Variants in MACROD2 observed in about 807,000 individuals in gnomAD.
The protein encoded by MACROD2 is mono-ADP ribosylhydrolase 2, also known as ADP-ribose glycohydrolase MACROD2.
Under a neutral mutation model 70.4 loss-of-function variants are expected in MACROD2, and 36 were observed. The observed-to-expected ratio is 0.51, with a 90% CI of 0.39 to 0.68. The LOEUF is 0.68. Among genes scored for constraint, MACROD2 ranks in the 30% least tolerant of loss-of-function variants. The pLI, the probability that MACROD2 is intolerant of heterozygous loss-of-function variation, is 0.00. For missense variants in MACROD2, 496 were observed against 538.4 expected (o/e 0.92, Z 0.78); for synonymous variants, 172 against 178.8 (o/e 0.96, Z 0.30).
intron 5 of MACROD2, among the ~76,000 whole-genome samples, chr20:14,738,592 A>T (rs572207006): frequency 1.3e-5 from 2 of 152,260 alleles, no homozygotes; most frequent in Non-Finnish European, 2.9e-5. Context: ...GATATTTGAC[A>T]CATTTTGAAT....
At chr20:15,435,833 A>G (rs868141707) in intron 7 of MACROD2, among the ~76,000 whole-genome samples, 55 of 152,264 alleles carry the variant, frequency 3.6e-4, no homozygotes, top group Middle Eastern at 6.8e-3. Context: ...GGAGGGAAAT[A>G]GTGAAGATTG....
At chr20:14,197,230 A>C (rs1409824469) in intron 3 of MACROD2, among the ~76,000 whole-genome samples, 1 of 152,214 alleles carries the variant, frequency 6.6e-6, no homozygotes, top group African/African-American at 2.4e-5. Context: ...CATTCTTTGC[A>C]TTCTTAAGCA....
intron 12 of MACROD2, among the ~76,000 whole-genome samples, chr20:15,945,428 CA>C (rs1056718288): frequency 5.9e-5 from 9 of 152,148 alleles, no homozygotes; most frequent in African/African-American, 2.2e-4. Flanking sequence ...CTATGATAAA[CA>C]AGCACTTTTT....
chr20:15,039,677 A>G (rs1341840726), intron 5 of MACROD2, among the ~76,000 whole-genome samples: 3 of 152,188 alleles, frequency 2.0e-5, no homozygotes, highest in African/African-American at 2.4e-5. Flanking sequence ...GCGACTCTAC[A>G]GCTTGCTAAG....
At chr20:14,724,348 A>C (rs1186569113) in intron 5 of MACROD2, among the ~76,000 whole-genome samples, 1 of 152,182 alleles carries the variant, frequency 6.6e-6, no homozygotes, top group African/African-American at 2.4e-5. Flanking sequence ...AATGGGGATA[A>C]TAATAGTTCC....
intron 4 of MACROD2, among the ~76,000 whole-genome samples, chr20:14,662,649 A>G (rs749928905): frequency 5.9e-5 from 9 of 152,194 alleles, no homozygotes; most frequent in Admixed American, 2.0e-4. Flanking sequence ...CAAGGGAAAA[A>G]CAACCCCATT....
At chr20:15,740,080 C>T (rs1449163216) in intron 8 of MACROD2, among the ~76,000 whole-genome samples, 1 of 152,182 alleles carries the variant, frequency 6.6e-6, no homozygotes, top group Non-Finnish European at 1.5e-5. Context: ...GGGAGCTCTG[C>T]TGCACACAAT....
At position 14,647,814 on chromosome 20, in the gene MACROD2, G is replaced by A. The variant is rs1245299726; in HGVS notation, c.302-37029G>A. Reference sequence around the variant, plus strand: ...CCATGATTCAGGCACCACTATTCCTGTTCATTTTTTTTCCATTGTCCCGGG... The same window carrying A: ...CCATGATTCAGGCACCACTATTCCTATTCATTTTTTTTCCATTGTCCCGGG... On this transcript the variant is annotated intron_variant, in intron 4 of 17. Transcript: ENST00000684519. Among the ~76,000 whole-genome samples the A allele has an allele frequency of 3.9e-5, 6 of 152,182 alleles. No individual in the cohort carries two copies. In the East Asian group the frequency reaches 1.2e-3, roughly 29 times the overall value.
At chr20:14,127,831 A>C in intron 3 of MACROD2, 2 of 463,456 alleles carry the variant, frequency 4.3e-6, no homozygotes, top group Non-Finnish European at 8.6e-6. Flanking sequence ...AAAAAACAGC[A>C]ATCAATAGCA....
At chr20:15,806,714 G>A (rs1003351256) in intron 8 of MACROD2, among the ~76,000 whole-genome samples, 1 of 151,886 alleles carries the variant, frequency 6.6e-6, no homozygotes, top group Non-Finnish European at 1.5e-5. Flanking sequence ...ATTCAGTGTG[G>A]AGGAATGGGC....
chr20:15,934,404 C>G (rs984206916), intron 11 of MACROD2, among the ~76,000 whole-genome samples: 1 of 152,184 alleles, frequency 6.6e-6, no homozygotes, highest in Non-Finnish European at 1.5e-5. Flanking sequence ...CTTTGTGTAC[C>G]TGTGACTGGG....
chr20:15,070,102 A>G (rs1384200767), intron 5 of MACROD2, among the ~76,000 whole-genome samples: 1 of 152,042 alleles, frequency 6.6e-6, no homozygotes, highest in African/African-American at 2.4e-5. Context: ...CACCCCTCAC[A>G]CCAGTGTGCT....
At chr20:14,146,199 T>C (rs2054940606) in intron 3 of MACROD2, among the ~76,000 whole-genome samples, 1 of 152,044 alleles carries the variant, frequency 6.6e-6, no homozygotes, top group Non-Finnish European at 1.5e-5. Flanking sequence ...GCGCCTGTAG[T>C]CCCAGCTACT....
chr20:15,529,605 G>A (rs1250069103), intron 8 of MACROD2, among the ~76,000 whole-genome samples: 1 of 151,864 alleles, frequency 6.6e-6, no homozygotes, highest in Non-Finnish European at 1.5e-5. Flanking sequence ...GTAAAGCCAT[G>A]TTTGTGATTT....
At chr20:15,359,522 CTTAATTTA>C (rs1346819625) in intron 6 of MACROD2, among the ~76,000 whole-genome samples, 1 of 150,770 alleles carries the variant, frequency 6.6e-6, no homozygotes, top group Admixed American at 6.6e-5. Flanking sequence ...ACAATAATTT[CTTAATTTA>C]TTAATTTATA....
At chr20:15,185,570 G>A (rs1200620595) in intron 5 of MACROD2, among the ~76,000 whole-genome samples, 2 of 152,070 alleles carry the variant, frequency 1.3e-5, no homozygotes, top group African/African-American at 4.8e-5. Flanking sequence ...ACTCTTTAAA[G>A]GAAGTCAGTT....
At chr20:15,823,176 T>C (rs1600949883) in intron 8 of MACROD2, among the ~76,000 whole-genome samples, 1 of 152,156 alleles carries the variant, frequency 6.6e-6, no homozygotes, top group Non-Finnish European at 1.5e-5. Flanking sequence ...AAGTGAACTA[T>C]AAAATAGCTT....
intron 5 of MACROD2, among the ~76,000 whole-genome samples, chr20:15,081,632 G>C (rs1366856905): frequency 6.6e-6 from 1 of 152,146 alleles, no homozygotes; most frequent in African/African-American, 2.4e-5. Flanking sequence ...TAATATGGAA[G>C]AGAGGCAGTT....
chr20:14,032,492 T>TG (rs1205816645), intron 2 of MACROD2, among the ~76,000 whole-genome samples: 3 of 152,146 alleles, frequency 2.0e-5, no homozygotes, highest in Non-Finnish European at 4.4e-5. Flanking sequence ...TATTTGCCAG[T>TG]GGGGGGTAAA....
Sources: allele counts gnomAD v4.1 joint callset (sites outside exome capture counted in the v4.1 genomes callset), GRCh38; gene constraint gnomAD v4.1.1; transcripts MANE v1.5; gene names NCBI Gene and HGNC (gene_info 2026-07-23, HGNC 2026-07-21).